Variants in NPLOC4 observed in about 807,000 individuals in gnomAD.
NPLOC4 encodes NPL4 homolog, ubiquitin recognition factor.
In NPLOC4, 18 loss-of-function variants were observed where a neutral mutation model predicts 80.6. The ratio of observed to expected loss-of-function variants is 0.22; its 90% CI spans 0.15 to 0.33. NPLOC4 has a LOEUF of 0.33. NPLOC4 is among the 10% of genes least tolerant of loss of function. The probability of loss-of-function intolerance (pLI) is 1.00; values close to 1 mark genes in which losing one functional copy is unlikely to be tolerated. For missense variants in NPLOC4, 540 were observed against 786.1 expected (o/e 0.69, Z 3.74); for synonymous variants, 313 against 301.5 (o/e 1.04, Z -0.39).
chr17:81,602,477 G>A (rs1214010938), intron 8 of NPLOC4, among the ~76,000 whole-genome samples: 1 of 151,936 alleles, frequency 6.6e-6, no homozygotes. Flanking sequence ...GGCTGAGGCG[G>A]GTGGATCACG....
At chr17:81,616,963 G>A (rs58789368) in intron 3 of NPLOC4, among the ~76,000 whole-genome samples, 1,890 of 152,286 alleles carry the variant, frequency 0.012, 45 homozygotes, top group African/African-American at 0.043. Flanking sequence ...CAAAGTCAGT[G>A]GCTCTTCCCA....
chr17:81,631,415 A>C (rs2035921930), intron 1 of NPLOC4, among the ~76,000 whole-genome samples: 1 of 104,988 alleles, frequency 9.5e-6, no homozygotes, highest in Non-Finnish European at 1.9e-5. Context: ...TGCATATTAA[A>C]GTGTACATAT....
At chr17:81,626,722 C>T (rs182593954) in intron 2 of NPLOC4, among the ~76,000 whole-genome samples, 1 of 152,068 alleles carries the variant, frequency 6.6e-6, no homozygotes, top group East Asian at 1.9e-4. Flanking sequence ...CGTTTGAGCC[C>T]GGGAAGTCAA....
intron 12 of NPLOC4, chr17:81,573,375 T>C (rs953025212): frequency 4.6e-5 from 7 of 152,190 alleles, no homozygotes; most frequent in African/African-American, 1.7e-4. Context: ...CCCGCTGTCT[T>C]CTGAGACAAT....
chr17:81,607,842 G>A (rs2035245961), intron 6 of NPLOC4, among the ~76,000 whole-genome samples: 1 of 152,168 alleles, frequency 6.6e-6, no homozygotes, highest in African/African-American at 2.4e-5. Flanking sequence ...TAGGATGTCA[G>A]CAGGTTGTCA....
intron 1 of NPLOC4, among the ~76,000 whole-genome samples, chr17:81,630,507 C>CGGGCT (rs1222531497): frequency 1.3e-5 from 2 of 152,044 alleles, no homozygotes; most frequent in Non-Finnish European, 2.9e-5. Context: ...TCTCGAGCTC[C>CGGGCT]GGGGCTCAAG....
intron 13 of NPLOC4, among the ~76,000 whole-genome samples, chr17:81,571,113 G>A (rs907642481): frequency 3.9e-5 from 6 of 152,110 alleles, no homozygotes; most frequent in African/African-American, 1.4e-4. Flanking sequence ...ATATGTTCTC[G>A]GGAGCTGTCA....
In NPLOC4 at chr17:81,577,035, G is replaced by A. The variant is rs1342117898; in HGVS notation, c.1282-4947C>T. Among the ~76,000 whole-genome samples the A allele has an allele frequency of 6.6e-6, 1 of 152,154 alleles. No homozygotes were observed. Among genetic ancestry groups the A allele is most frequent in the Non-Finnish European group, 1.5e-5 (1 of 68,020 alleles). On this transcript the variant is annotated intron_variant, in intron 12 of 16. Transcript: ENST00000331134. This position sits in a 1 kb window ranked among gnomAD's most constrained non-coding sequence, Gnocchi z 4.3. The stretch of plus-strand genomic sequence containing the variant: ...GCATGCACTAAGAATGAGTTACAGG[G>A]TCCACCAAGTGCTGTTCACAGTGCC...
At chr17:81,581,222 G>A (rs1294299403) in intron 12 of NPLOC4, among the ~76,000 whole-genome samples, 3 of 151,750 alleles carry the variant, frequency 2.0e-5, no homozygotes, top group African/African-American at 7.3e-5. Flanking sequence ...CATGGTGGCA[G>A]GTGCCTGTAA....
intron 3 of NPLOC4, among the ~76,000 whole-genome samples, chr17:81,614,687 C>A (rs988452274): frequency 1.3e-5 from 2 of 152,198 alleles, no homozygotes; most frequent in Non-Finnish European, 2.9e-5. Flanking sequence ...CAGAGTCACG[C>A]TGCCAACTTG....
chr17:81,557,702 A>G lies in NPLOC4; in HGVS notation c.*1557T>C, dbSNP rs1164465315. 4 of 152,312 alleles carry G rather than the reference A, an allele frequency of 2.6e-5. No homozygotes were observed. The highest frequency in any genetic ancestry group is 5.9e-5 in the Non-Finnish European group (4 of 68,126). The allele number at this position is 152,312 out of a possible 1,614,324, so 9.4% of individuals were successfully genotyped here. ...GACAGCCCGCGGTGGGCAAGCTGGGAGTTGCATCCGCAGCAGTCCGCTTCA... is the reference window on the plus strand; with the variant it reads ...GACAGCCCGCGGTGGGCAAGCTGGGGGTTGCATCCGCAGCAGTCCGCTTCA... On this transcript the variant is annotated 3_prime_UTR_variant, in exon 17 of 17. Transcript: ENST00000331134.
intron 3 of NPLOC4, among the ~76,000 whole-genome samples, chr17:81,618,178 C>G (rs2035554240): frequency 6.6e-6 from 1 of 151,668 alleles, no homozygotes; most frequent in Admixed American, 6.6e-5. Context: ...TGAGGAGCGT[C>G]TCTGCCCGGC....
chr17:81,575,687 C>T (rs568549960), intron 12 of NPLOC4, among the ~76,000 whole-genome samples: 9 of 152,314 alleles, frequency 5.9e-5, no homozygotes, highest in South Asian at 2.1e-4. Context: ...AAGTCAGTGC[C>T]GGTGCTGCAG....
At chr17:81,618,371 C>T (rs1171175566) in intron 3 of NPLOC4, among the ~76,000 whole-genome samples, 3 of 148,834 alleles carry the variant, frequency 2.0e-5, no homozygotes, top group Non-Finnish European at 3.0e-5. Flanking sequence ...AGGTGAGGAG[C>T]GTCTCTGCCT....
At chr17:81,581,036 G>A (rs1044774060) in intron 12 of NPLOC4, among the ~76,000 whole-genome samples, 7 of 151,884 alleles carry the variant, frequency 4.6e-5, no homozygotes, top group Non-Finnish European at 8.8e-5. Context: ...CATGGCTGAA[G>A]GAGAAGAAAA....
intron 16 of NPLOC4, chr17:81,560,466 T>A (rs1452975980): frequency 1.3e-5 from 2 of 151,986 alleles, no homozygotes; most frequent in African/African-American, 2.4e-5. Context: ...CCCAGCACTT[T>A]GGGAGGCTGA....
At chr17:81,619,554 A>AG (rs2035606480) in intron 3 of NPLOC4, among the ~76,000 whole-genome samples, 1 of 37,106 alleles carries the variant, frequency 2.7e-5, no homozygotes, top group South Asian at 1.5e-3. Context: ...CTGTCTCAAG[A>AG]AAAAAAAAAA....
intron 12 of NPLOC4, among the ~76,000 whole-genome samples, chr17:81,579,240 T>C (rs2034375237): frequency 6.6e-6 from 1 of 152,072 alleles, no homozygotes; most frequent in African/African-American, 2.4e-5. Flanking sequence ...TAGCTGGGCG[T>C]GGTGGTGGGC....
At chr17:81,576,209 T>C (rs1393781140) in intron 12 of NPLOC4, among the ~76,000 whole-genome samples, 1 of 152,188 alleles carries the variant, frequency 6.6e-6, no homozygotes, top group Admixed American at 6.5e-5. Flanking sequence ...GTATCATGCA[T>C]AAATGGATTA....
Sources: allele counts gnomAD v4.1 joint callset (sites outside exome capture counted in the v4.1 genomes callset), GRCh38; gene constraint gnomAD v4.1.1; non-coding constraint Gnocchi (gnomAD v3.1); transcripts MANE v1.5; gene names NCBI Gene and HGNC (gene_info 2026-07-23, HGNC 2026-07-21).